The following KIAA1217 variants were observed in gnomAD, a reference collection of about 807,000 sequenced individuals.
KIAA1217 encodes sickle tail protein homolog.
In KIAA1217, 88 loss-of-function variants were observed where a neutral mutation model predicts 163.9. That is an observed-to-expected ratio of 0.54 (90% CI 0.45 to 0.64). KIAA1217 has a LOEUF of 0.64. KIAA1217 is among the 30% of genes least tolerant of loss of function. The pLI, the probability that KIAA1217 is intolerant of heterozygous loss-of-function variation, is 0.00. For synonymous variants in KIAA1217, 903 were observed against 923.1 expected (o/e 0.98, Z 0.39); for missense variants, 2,372 against 2,475.0 (o/e 0.96, Z 0.88).
At chr10:24,350,327 A>G (rs1478154976) in intron 2 of KIAA1217, among the ~76,000 whole-genome samples, 3 of 152,168 alleles carry the variant, frequency 2.0e-5, no homozygotes, top group Non-Finnish European at 2.9e-5. Context: ...GATGTGGGGT[A>G]GCCTTTACGA....
At chr10:23,948,512 C>A (rs1049348486) in intron 1 of KIAA1217, among the ~76,000 whole-genome samples, 2 of 151,924 alleles carry the variant, frequency 1.3e-5, no homozygotes, top group African/African-American at 4.8e-5. Flanking sequence ...TTTTGTGAAA[C>A]TTTAAAGAGA....
At chr10:23,919,957 A>G (rs534177806) in intron 1 of KIAA1217, among the ~76,000 whole-genome samples, 242 of 152,258 alleles carry the variant, frequency 1.6e-3, no homozygotes, top group African/African-American at 5.8e-3. Context: ...TACAGGGCAC[A>G]ATCCAGAAAG....
In KIAA1217 at chr10:24,542,374, C is replaced by T. The variant is rs112341473; in HGVS notation, c.3535-319C>T. ...TCTTCAGGTTTTAAATTCTGCTAAGCTCACAATCTGATGTTGAAAAGAGGA... is the reference window on the plus strand; with the variant it reads ...TCTTCAGGTTTTAAATTCTGCTAAGTTCACAATCTGATGTTGAAAAGAGGA... On this transcript the variant is annotated intron_variant, in intron 17 of 20. Transcript: ENST00000376454. The T allele has an allele frequency of 8.6e-4, 372 of 430,332 alleles. 2 individuals are homozygous for T. The highest frequency in any genetic ancestry group is 6.7e-3 in the African/African-American group (341 of 50,790). The allele number at this position is 430,332 out of a possible 1,614,324, so 26.7% of individuals were successfully genotyped here.
intron 1 of KIAA1217, among the ~76,000 whole-genome samples, chr10:23,768,279 C>A (rs1358745733): frequency 6.6e-6 from 1 of 151,520 alleles, no homozygotes; most frequent in Non-Finnish European, 1.5e-5. Flanking sequence ...GTTGCATATT[C>A]ACCCCCAATG....
At chr10:24,192,324 AG>A (rs1027774881) in intron 2 of KIAA1217, among the ~76,000 whole-genome samples, 19 of 152,222 alleles carry the variant, frequency 1.2e-4, no homozygotes, top group African/African-American at 4.1e-4. Flanking sequence ...AGGTATAGGG[AG>A]GGCATCTCTC....
chr10:23,852,815 TTGTC>T (rs1293483225), intron 1 of KIAA1217, among the ~76,000 whole-genome samples: 2 of 151,576 alleles, frequency 1.3e-5, no homozygotes, highest in African/African-American at 4.9e-5. Context: ...GGCTCTCTGT[TTGTC>T]TGTTGCTGGT....
At chr10:24,280,796 C>T (rs908224720) in intron 2 of KIAA1217, among the ~76,000 whole-genome samples, 12 of 139,070 alleles carry the variant, frequency 8.6e-5, no homozygotes, top group African/African-American at 1.4e-4. Context: ...GGCAACAGAG[C>T]GAGACTCCGT....
chr10:23,873,979 TG>T (rs530369051), intron 1 of KIAA1217, among the ~76,000 whole-genome samples: 61 of 152,210 alleles, frequency 4.0e-4, no homozygotes, highest in African/African-American at 1.4e-3. Flanking sequence ...ATGGTAAGAA[TG>T]TGTCTAATGT....
At chr10:24,315,678 C>T (rs910296466) in intron 2 of KIAA1217, among the ~76,000 whole-genome samples, 2 of 151,382 alleles carry the variant, frequency 1.3e-5, no homozygotes, top group African/African-American at 4.9e-5. Flanking sequence ...GCAGGAGGAT[C>T]GAAGTCAAGG....
intron 13 of KIAA1217, among the ~76,000 whole-genome samples, chr10:24,525,726 C>T (rs182829933): frequency 2.0e-5 from 3 of 152,306 alleles, no homozygotes; most frequent in Admixed American, 6.5e-5. Context: ...TGGTGGCTCA[C>T]ACCTGTAATA....
intron 1 of KIAA1217, among the ~76,000 whole-genome samples, chr10:23,847,938 A>G (rs1295310942): frequency 2.0e-5 from 3 of 152,116 alleles, no homozygotes. Context: ...ATTTGTTTCA[A>G]AAAACCTCAT....
intron 14 of KIAA1217, among the ~76,000 whole-genome samples, chr10:24,530,825 G>C (rs1380910565): frequency 2.0e-5 from 3 of 152,174 alleles, no homozygotes; most frequent in African/African-American, 7.2e-5. Context: ...GAGCCCAGGA[G>C]TTTGAGGCTG....
chr10:24,115,282 A>G (rs1277639302), intron 2 of KIAA1217, among the ~76,000 whole-genome samples: 1 of 152,264 alleles, frequency 6.6e-6, no homozygotes, highest in Non-Finnish European at 1.5e-5. Flanking sequence ...TTTTTTAAAA[A>G]TAGCTACATT....
Position 24,336,396 on chromosome 10 carries a change from T to G in KIAA1217, c.355-44473T>G, listed in dbSNP as rs925294685. 2.0e-5 allele frequency among the ~76,000 whole-genome samples: 3 copies of G among 152,238 alleles called. 1 individual carries two copies. In the South Asian group the frequency reaches 6.2e-4, roughly 32 times the overall value. Reference sequence around the variant, plus strand: ...TAGTTTTGCCTTTTGCTAAGTGTGCTTAACAATTACACTTGAGAAATACCT... The same window carrying G: ...TAGTTTTGCCTTTTGCTAAGTGTGCGTAACAATTACACTTGAGAAATACCT... On this transcript the variant is annotated intron_variant, in intron 2 of 20. Coordinates refer to ENST00000376454, the MANE Select transcript of KIAA1217 (RefSeq NM_019590.5).
chr10:24,526,141 A>G (rs1339911422), intron 13 of KIAA1217, among the ~76,000 whole-genome samples: 2 of 152,066 alleles, frequency 1.3e-5, no homozygotes, highest in East Asian at 1.9e-4. Flanking sequence ...TTATCACCCA[A>G]CAACCTTGTC....
chr10:24,371,666 T>C (rs2051668007), intron 2 of KIAA1217, among the ~76,000 whole-genome samples: 1 of 152,182 alleles, frequency 6.6e-6, no homozygotes, highest in African/African-American at 2.4e-5. Flanking sequence ...TGCATTTGTG[T>C]TGTCATTTCA....
chr10:23,750,313 A>G (rs1839666637), intron 1 of KIAA1217, among the ~76,000 whole-genome samples: 1 of 152,182 alleles, frequency 6.6e-6, no homozygotes, highest in South Asian at 2.1e-4. Context: ...ATGTAACCCA[A>G]GTTTACCTCT....
chr10:24,003,244 A>G (rs1846834281), intron 1 of KIAA1217, among the ~76,000 whole-genome samples: 2 of 152,196 alleles, frequency 1.3e-5, no homozygotes, highest in African/African-American at 4.8e-5. Flanking sequence ...CGTTTTCCAT[A>G]GTAGTTGTAC....
chr10:23,973,974 TAAAATGTTG>T (rs956044993), intron 1 of KIAA1217, among the ~76,000 whole-genome samples: 3 of 152,218 alleles, frequency 2.0e-5, no homozygotes, highest in African/African-American at 7.2e-5. Flanking sequence ...GAACAATGTT[TAAAATGTTG>T]AAAATGGAAA....
Sources: allele counts gnomAD v4.1 joint callset (sites outside exome capture counted in the v4.1 genomes callset), GRCh38; gene constraint gnomAD v4.1.1; transcripts MANE v1.5; gene names NCBI Gene and HGNC (gene_info 2026-07-23, HGNC 2026-07-21).